Variants in MAP2K5 observed in about 807,000 individuals in gnomAD.
MAP2K5 encodes mitogen-activated protein kinase kinase 5.
MAP2K5 carries 49 observed loss-of-function variants against 83.1 expected under a neutral mutation model. That is an observed-to-expected ratio of 0.59 (90% CI 0.47 to 0.75). The LOEUF (loss-of-function observed/expected upper bound fraction) is 0.75, where lower values mean the gene tolerates loss of function less well. Among genes scored for constraint, MAP2K5 ranks in the 30% least tolerant of loss-of-function variants. The pLI is 0.00. For synonymous variants in MAP2K5, 202 were observed against 191.8 expected (o/e 1.05, Z -0.44); for missense variants, 457 against 557.5 (o/e 0.82, Z 1.82).
chr15:67,675,771 G>A (rs921843506), intron 13 of MAP2K5, among the ~76,000 whole-genome samples: 1 of 152,186 alleles, frequency 6.6e-6, no homozygotes, highest in Non-Finnish European at 1.5e-5. Context: ...AGAGAAGGTT[G>A]TCCTGGACTT....
intron 17 of MAP2K5, among the ~76,000 whole-genome samples, chr15:67,735,647 C>T (rs1370188708): frequency 6.6e-6 from 1 of 152,200 alleles, no homozygotes; most frequent in Non-Finnish European, 1.5e-5. Context: ...AGGGAGTGGT[C>T]AGCTCACTTC....
chr15:67,741,257 A>G (rs965798028), intron 17 of MAP2K5, among the ~76,000 whole-genome samples: 10 of 152,302 alleles, frequency 6.6e-5, no homozygotes, highest in Admixed American at 4.6e-4. Context: ...GGCAGCTTTC[A>G]TGTCCAGGTA....
At chr15:67,584,472 A>G (rs1411533889) in intron 4 of MAP2K5, among the ~76,000 whole-genome samples, 1 of 152,210 alleles carries the variant, frequency 6.6e-6, no homozygotes, top group Non-Finnish European at 1.5e-5. Flanking sequence ...ATGTGACTGT[A>G]GTTCAAAAGG....
At chr15:67,656,717 A>G (rs1053707810) in intron 11 of MAP2K5, among the ~76,000 whole-genome samples, 1 of 152,150 alleles carries the variant, frequency 6.6e-6, no homozygotes, top group African/African-American at 2.4e-5. Flanking sequence ...TAGCTAGAAC[A>G]TTCACATCAC....
chr15:67,580,435 A>G (rs1477923182), intron 3 of MAP2K5, among the ~76,000 whole-genome samples: 5 of 152,206 alleles, frequency 3.3e-5, no homozygotes, highest in Non-Finnish European at 7.4e-5. Context: ...GCAAGAGGCA[A>G]TTTGGGAAAT....
intron 7 of MAP2K5, among the ~76,000 whole-genome samples, chr15:67,599,590 G>C (rs769470553): frequency 2.4e-4 from 37 of 152,110 alleles, no homozygotes; most frequent in Non-Finnish European, 4.0e-4. Flanking sequence ...TGCTATACTG[G>C]TCTGAGAGCA....
rs2086614349 is a variant in MAP2K5, at chr15:67,636,915, C to G, written c.585+5988C>G. Among the ~76,000 whole-genome samples the G allele has an allele frequency of 6.6e-6, 1 of 152,086 alleles. No individual in the cohort carries two copies. The highest frequency in any genetic ancestry group is 6.5e-5 in the Admixed American group (1 of 15,276). On this transcript the variant is annotated intron_variant, in intron 9 of 21. Coordinates refer to ENST00000178640, the MANE Select transcript of MAP2K5 (RefSeq NM_145160.3). The surrounding 1 kb of genome is among the most constrained non-coding windows in gnomAD (Gnocchi z 4.7). Reference sequence around the variant, plus strand: ...GACCCACCTGCAATCTGGGTGGGCACCATCTAATCAGCTGCCAGTGTGGCT... The same window carrying G: ...GACCCACCTGCAATCTGGGTGGGCAGCATCTAATCAGCTGCCAGTGTGGCT...
rs2089673925 is a variant in MAP2K5, at chr15:67,749,509, T to C, written c.1134+908T>C. ...GAAAAAAATTGTAATTCATAATTAT[T>C]CCTCTCAATTAAACATCTGCATAAC... is the stretch of plus-strand genomic sequence containing the variant. On this transcript the variant is annotated intron_variant, in intron 19 of 21. Transcript: ENST00000178640. The surrounding 1 kb of genome is among the most constrained non-coding windows in gnomAD (Gnocchi z 4.6). Among the ~76,000 whole-genome samples, 1 of 152,146 alleles carries C rather than the reference T, an allele frequency of 6.6e-6. No homozygotes were observed. Among genetic ancestry groups the C allele is most frequent in the Admixed American group, 6.5e-5 (1 of 15,276 alleles).
intron 9 of MAP2K5, among the ~76,000 whole-genome samples, chr15:67,633,955 T>C (rs1478639374): frequency 3.9e-5 from 6 of 152,194 alleles, no homozygotes; most frequent in Non-Finnish European, 5.9e-5. Context: ...TGATTTCTGA[T>C]TTAATTCCAT....
chr15:67,552,484 G>A lies in MAP2K5; in HGVS notation c.184+2402G>A, dbSNP rs1048657891. Among the ~76,000 whole-genome samples the A allele has an allele frequency of 2.0e-5, 3 of 152,116 alleles. No individual in the cohort carries two copies. Among genetic ancestry groups the A allele is most frequent in the African/African-American group, 7.2e-5 (3 of 41,416 alleles). On this transcript the variant is annotated intron_variant, in intron 2 of 21. Coordinates refer to ENST00000178640, the MANE Select transcript of MAP2K5 (RefSeq NM_145160.3). This position sits in a 1 kb window ranked among gnomAD's most constrained non-coding sequence, Gnocchi z 4.2. ...GAGTATTGCTCTGTTGCCCAGGCTG[G>A]AGTGCAGTGACATGATGATAGCTCA...
intron 13 of MAP2K5, 39 bp from the exon 14 acceptor site, chr15:67,692,440 A>G: frequency 1.4e-6 from 2 of 1,445,096 alleles, no homozygotes; most frequent in Non-Finnish European, 9.7e-7. Flanking sequence ...CTGTAGATAC[A>G]TGGAATTAGT....
rs142015605 is a variant in MAP2K5 at position 67,637,712 on chromosome 15, G to T, written c.585+6785G>T. Among the ~76,000 whole-genome samples the T allele has an allele frequency of 6.6e-6, 1 of 152,074 alleles. No homozygotes were observed. Among genetic ancestry groups the T allele is most frequent in the African/African-American group, 2.4e-5 (1 of 41,470 alleles). On this transcript the variant is annotated intron_variant, in intron 9 of 21. Transcript: ENST00000178640. This position sits in a 1 kb window ranked among gnomAD's most constrained non-coding sequence, Gnocchi z 4.5. Reference sequence around the variant, plus strand: ...TGCCCTCTGCTTCTCTAGCTTCCTTGGCCTCCTCAGACTCTCAGTTTTGTC... The same window carrying T: ...TGCCCTCTGCTTCTCTAGCTTCCTTTGCCTCCTCAGACTCTCAGTTTTGTC...
rs1222436817 is a variant in MAP2K5 at position 67,644,307 on chromosome 15, T to G, written c.586-1924T>G. On this transcript the variant is annotated intron_variant, in intron 9 of 21. Coordinates refer to ENST00000178640, the MANE Select transcript of MAP2K5 (RefSeq NM_145160.3). The surrounding 1 kb of genome is among the most constrained non-coding windows in gnomAD (Gnocchi z 4.6). Reference sequence around the variant, plus strand: ...TACTTGGGAGGCTGAGGCAGGAGAATGGCTTGAACCCGGGAGGCGGAGGTT... The same window carrying G: ...TACTTGGGAGGCTGAGGCAGGAGAAGGGCTTGAACCCGGGAGGCGGAGGTT... 1.3e-5 allele frequency among the ~76,000 whole-genome samples: 2 copies of G among 152,096 alleles called. No individual in the cohort carries two copies. Among genetic ancestry groups the G allele is most frequent in the Admixed American group, 1.3e-4 (2 of 15,270 alleles).
intron 8 of MAP2K5, among the ~76,000 whole-genome samples, chr15:67,630,074 CA>C (rs913076870): frequency 2.6e-5 from 4 of 151,880 alleles, no homozygotes; most frequent in Non-Finnish European, 5.9e-5. Context: ...CCTGTCTCTA[CA>C]AAAAAAAGTA....
Position 67,737,447 on chromosome 15 carries a change from G to A in MAP2K5, c.1074+9502G>A, listed in dbSNP as rs141219510. Among the ~76,000 whole-genome samples the A allele has an allele frequency of 3.2e-3, 487 of 152,302 alleles. 1 individual carries two copies. The highest frequency in any genetic ancestry group is 5.6e-3 in the Non-Finnish European group (379 of 68,026). On this transcript the variant is annotated intron_variant, in intron 17 of 21. Coordinates refer to ENST00000178640, the MANE Select transcript of MAP2K5 (RefSeq NM_145160.3). ...TAGATTACTTTTTAGATGTTTAACA[G>A]TTATGGATTAATGCGTGGGAGGTTT...
intron 9 of MAP2K5, chr15:67,642,609 C>A: frequency 1.4e-6 from 1 of 724,116 alleles, no homozygotes; most frequent in Non-Finnish European, 2.5e-6. Flanking sequence ...GTACAGGAAA[C>A]AGCAGGAGCA....
chr15:67,672,805 T>C (rs2087576628), intron 13 of MAP2K5, among the ~76,000 whole-genome samples: 1 of 149,046 alleles, frequency 6.7e-6, no homozygotes, highest in Non-Finnish European at 1.5e-5. Flanking sequence ...GTCTAACGTT[T>C]AAGTCTTTAA....
intron 9 of MAP2K5, chr15:67,642,404 C>T: frequency 6.2e-7 from 1 of 1,600,376 alleles, no homozygotes; most frequent in Non-Finnish European, 8.5e-7. Context: ...AATCTTGAGG[C>T]TTCTGTTTTT....
intron 3 of MAP2K5, among the ~76,000 whole-genome samples, chr15:67,574,674 C>G (rs924172789): frequency 2.7e-5 from 4 of 149,130 alleles, no homozygotes; most frequent in Non-Finnish European, 5.9e-5. Context: ...CGAGACCATT[C>G]TGGCCAACAT....
Sources: allele counts gnomAD v4.1 joint callset (sites outside exome capture counted in the v4.1 genomes callset), GRCh38; gene constraint gnomAD v4.1.1; non-coding constraint Gnocchi (gnomAD v3.1); transcripts MANE v1.5; gene names NCBI Gene and HGNC (gene_info 2026-07-23, HGNC 2026-07-21).